CELF1: variants seen among roughly 807,000 people sequenced by gnomAD.
CELF1 encodes the protein 50 kDa nuclear polyadenylated RNA-binding protein.
In CELF1, 10 loss-of-function variants were observed where a neutral mutation model predicts 61.8. The observed-to-expected ratio is 0.16, with a 90% confidence interval of 0.10 to 0.27. CELF1 has a LOEUF of 0.27. Ranked by LOEUF, CELF1 falls within the 10% of genes least tolerant of loss-of-function variation. The pLI is 1.00. For missense variants in CELF1, 380 were observed against 639.1 expected, an observed-to-expected ratio of 0.59 and a Z score of 4.37; for synonymous variants, 236 against 225.1, an observed-to-expected ratio of 1.05 and a Z score of -0.43.
intron 13 of CELF1, among the ~76,000 whole-genome samples, chr11:47,474,409 A>C (rs2079070258): frequency 6.6e-6 from 1 of 152,174 alleles, no homozygotes; most frequent in Non-Finnish European, 1.5e-5. Flanking sequence ...CTTAAATGTC[A>C]ATCTAGAGAG....
At chr11:47,501,216 A>G (rs1025043632) in intron 1 of CELF1, among the ~76,000 whole-genome samples, 1 of 152,238 alleles carries the variant, frequency 6.6e-6, no homozygotes, top group African/African-American at 2.4e-5. Context: ...CAGAAGTGGC[A>G]GGAGCTCTCT....
At chr11:47,484,985 T>C (rs890083010) in intron 6 of CELF1, among the ~76,000 whole-genome samples, 2 of 152,222 alleles carry the variant, frequency 1.3e-5, no homozygotes, top group Non-Finnish European at 2.9e-5. Flanking sequence ...GCTTCACGTC[T>C]CTTTTTATAA....
chr11:47,491,894 T>C (rs955517776), intron 3 of CELF1, among the ~76,000 whole-genome samples: 2 of 152,256 alleles, frequency 1.3e-5, no homozygotes, highest in African/African-American at 4.8e-5. Flanking sequence ...TTAGCTCTGA[T>C]AAAATGAGTG....
chr11:47,546,842 A>C (rs1351762995), intron 1 of CELF1, among the ~76,000 whole-genome samples: 1 of 152,026 alleles, frequency 6.6e-6, no homozygotes, highest in African/African-American at 2.4e-5. Flanking sequence ...AGGTGGGTGA[A>C]TCACCTGAGG....
intron 1 of CELF1, among the ~76,000 whole-genome samples, chr11:47,510,169 C>A (rs1315504906): frequency 6.6e-6 from 1 of 152,098 alleles, no homozygotes; most frequent in East Asian, 1.9e-4. Flanking sequence ...TGTTTAAAGA[C>A]ATTTAAAATA....
At chr11:47,481,421 C>T (rs190808830) in intron 9 of CELF1, among the ~76,000 whole-genome samples, 11 of 152,126 alleles carry the variant, frequency 7.2e-5, no homozygotes, top group Admixed American at 4.6e-4. Flanking sequence ...TGAGTCACAG[C>T]GCCCGGCCTA....
At chr11:47,545,905 G>GTATA (rs1233875512) in intron 1 of CELF1, among the ~76,000 whole-genome samples, 26 of 109,178 alleles carry the variant, frequency 2.4e-4, no homozygotes, top group Non-Finnish European at 3.3e-4. Flanking sequence ...GTGTGTGTGT[G>GTATA]TATATATATA....
At chr11:47,560,298 A>G (rs556746535) in intron 2 of CELF1, among the ~76,000 whole-genome samples, 3 of 152,248 alleles carry the variant, frequency 2.0e-5, no homozygotes, top group African/African-American at 7.2e-5. Flanking sequence ...CAATAAAAAA[A>G]AGAACAGAAA....
chr11:47,546,211 T>C (rs2096942121), intron 1 of CELF1, among the ~76,000 whole-genome samples: 1 of 139,132 alleles, frequency 7.2e-6, no homozygotes, highest in South Asian at 2.3e-4. Flanking sequence ...AGGCCTTTCA[T>C]GCAATTGACA....
intron 3 of CELF1, among the ~76,000 whole-genome samples, chr11:47,495,762 G>A (rs2092974592): frequency 6.6e-6 from 1 of 152,154 alleles, no homozygotes; most frequent in Admixed American, 6.5e-5. Context: ...GTCCTTATAA[G>A]AAAGCCCTTT....
rs557346578 is a variant in CELF1 at position 47,475,243 on chromosome 11, A to G, written c.1273+93T>C. 349 of 1,180,804 alleles carry G rather than the reference A, an allele frequency of 3.0e-4. 3 individuals carry two copies. Among genetic ancestry groups the G allele is most frequent in the South Asian group, 2.6e-3 (198 of 75,152 alleles). The allele number at this position is 1,180,804 out of a possible 1,614,324, so 73.1% of individuals were successfully genotyped here. A position where few individuals can be genotyped will look rare whatever the true frequency, so the allele number is the denominator to read the frequency against. On this transcript the variant is annotated intron_variant, in intron 13 of 14. Transcript: ENST00000687097. ...AAGAAAAACAATGGTCTGACGACCT[A>G]ACTGGTTCCCTCAGCCTTTGCTCTG...
intron 1 of CELF1, among the ~76,000 whole-genome samples, chr11:47,544,116 C>T (rs922689650): frequency 1.3e-5 from 2 of 152,180 alleles, no homozygotes; most frequent in African/African-American, 4.8e-5. Context: ...AATCTTATCC[C>T]TTAAGCCACA....
chr11:47,562,657 CAGG>C (rs2097230094), intron 2 of CELF1, among the ~76,000 whole-genome samples: 1 of 150,450 alleles, frequency 6.6e-6, no homozygotes, highest in Non-Finnish European at 1.5e-5. Context: ...GAGGCCAAAT[CAGG>C]AGGATTGTTT....
chr11:47,496,591 G>A (rs2093139488), intron 3 of CELF1, among the ~76,000 whole-genome samples: 1 of 152,196 alleles, frequency 6.6e-6, no homozygotes, highest in South Asian at 2.1e-4. Flanking sequence ...TTGGAGGAGG[G>A]GGAGGTGTGT....
chr11:47,529,745 T>C (rs577261470), intron 1 of CELF1, among the ~76,000 whole-genome samples: 38 of 151,854 alleles, frequency 2.5e-4, no homozygotes, highest in Non-Finnish European at 4.1e-4. Flanking sequence ...TGCTTAAACC[T>C]GGGAGGTGGA....
intron 10 of CELF1, among the ~76,000 whole-genome samples, chr11:47,478,038 G>C (rs1047045595): frequency 6.6e-6 from 1 of 152,050 alleles, no homozygotes; most frequent in African/African-American, 2.4e-5. Context: ...CTGTGCTGTC[G>C]CTGCTGCAAA....
rs73461720 is a variant in CELF1, at chr11:47,467,319, A to C, written c.*4911T>G. The C allele has an allele frequency of 0.021, 3,155 of 152,324 alleles. 128 individuals carry two copies. The highest frequency in any genetic ancestry group is 0.072 in the African/African-American group (2,997 of 41,502). The allele number at this position is 152,324 out of a possible 1,614,324, so 9.4% of individuals were successfully genotyped here. Reference sequence around the variant, plus strand: ...GACCCTGAGGCTGGATGGTGCCACAAGAGAGGAGGGTCAGTTTCCCTCAGG... The same window carrying C: ...GACCCTGAGGCTGGATGGTGCCACACGAGAGGAGGGTCAGTTTCCCTCAGG... On this transcript the variant is annotated 3_prime_UTR_variant, in exon 15 of 15. Transcript: ENST00000687097.
intron 1 of CELF1, among the ~76,000 whole-genome samples, chr11:47,534,625 G>A (rs1035756366): frequency 6.6e-6 from 1 of 152,076 alleles, no homozygotes; most frequent in Admixed American, 6.5e-5. Context: ...CTACTCGGGA[G>A]GCTGAGGCAG....
intron 3 of CELF1, 95 bp from the exon 4 acceptor site, chr11:47,489,119 G>GT (rs907312953): frequency 2.3e-5 from 25 of 1,064,644 alleles, no homozygotes; most frequent in South Asian, 4.4e-5. Flanking sequence ...TTCTGAGAAC[G>GT]TAAGGGAAAA....
Sources: allele counts gnomAD v4.1 joint callset (sites outside exome capture counted in the v4.1 genomes callset), GRCh38; gene constraint gnomAD v4.1.1; transcripts MANE v1.5; gene names NCBI Gene and HGNC (gene_info 2026-07-23, HGNC 2026-07-21).